HSF2BP: variants seen among roughly 807,000 people sequenced by gnomAD.
The protein encoded by HSF2BP is heat shock factor 2-binding protein.
In HSF2BP, 35 loss-of-function variants were observed where a neutral mutation model predicts 35.0. The observed-to-expected ratio is 1.00, with a 90% CI of 0.76 to 1.32. The LOEUF is 1.32. HSF2BP is among the 40% of genes most tolerant of loss of function. HSF2BP has a pLI of 0.00. For missense variants in HSF2BP, 326 were observed against 321.7 expected, an observed-to-expected ratio of 1.01 and a Z score of -0.10; for synonymous variants, 114 against 117.4, an observed-to-expected ratio of 0.97 and a Z score of 0.18.
intron 5 of HSF2BP, among the ~76,000 whole-genome samples, chr21:43,632,384 CCCACACACACACACTCCCCCA>C (rs1206188500): frequency 7.8e-6 from 1 of 127,878 alleles, no homozygotes; most frequent in Non-Finnish European, 1.7e-5. Flanking sequence ...ACGCTCCCCC[CCCACACACACACACTCCCCCA>C]CACACACATG....
In HSF2BP at chr21:43,630,409, T is replaced by C. The variant is rs1163045981; in HGVS notation, c.487A>G (p.Ser163Gly). 1.9e-6 allele frequency: 3 copies of C among 1,613,380 alleles called. No homozygotes were observed. Among genetic ancestry groups the C allele is most frequent in the Non-Finnish European group, 1.7e-6 (2 of 1,179,796 alleles). ...TCACCGTCTAACGACTTCACAAAAC[T>C]CTCCATTGTTTGACCAGTGATGCTG... Reference protein sequence around the residue: ...FFSITGQTMESFVKSLDGDVQ... With the variant: ...FFSITGQTMEGFVKSLDGDVQ... The change falls in exon 6 of 9, where the codon AGT (serine) becomes GGT (glycine). Residue 163 changes from serine (S) to glycine (G), a missense_variant. Physicochemically the swap from Ser to Gly is moderately conservative, Grantham distance 56 (BLOSUM62 0). Transcript: ENST00000291560.
intron 6 of HSF2BP, among the ~76,000 whole-genome samples, chr21:43,622,881 C>T (rs756893690): frequency 4.6e-5 from 7 of 152,174 alleles, no homozygotes; most frequent in Non-Finnish European, 7.3e-5. Context: ...TTCTTTTCAT[C>T]AGCATATGGA....
chr21:43,610,262 GACAA>G (rs2082186741), intron 7 of HSF2BP, among the ~76,000 whole-genome samples: 1 of 151,994 alleles, frequency 6.6e-6, no homozygotes, highest in South Asian at 2.1e-4. Flanking sequence ...GGGAGAGAAG[GACAA>G]AGACAGACAG....
At chr21:43,593,522 T>G (rs1238841607) in intron 7 of HSF2BP, among the ~76,000 whole-genome samples, 2 of 152,160 alleles carry the variant, frequency 1.3e-5, no homozygotes, top group African/African-American at 4.8e-5. Flanking sequence ...CCAAAAATTT[T>G]TCAGATACTA....
chr21:43,653,717 A>G (rs1162545372), intron 3 of HSF2BP, among the ~76,000 whole-genome samples: 1 of 152,206 alleles, frequency 6.6e-6, no homozygotes, highest in Non-Finnish European at 1.5e-5. Flanking sequence ...GAACTGCCAC[A>G]AACTACTCAG....
intron 6 of HSF2BP, among the ~76,000 whole-genome samples, chr21:43,615,091 C>T (rs147754982): frequency 8.4e-4 from 128 of 152,242 alleles, no homozygotes; most frequent in Non-Finnish European, 1.2e-3. Flanking sequence ...CTCGAAGTAT[C>T]CAATGATCCA....
At chr21:43,630,236 G>A in intron 6 of HSF2BP, 86 bp downstream of exon 6, 1 of 1,225,450 alleles carries the variant, frequency 8.2e-7, no homozygotes. Context: ...AAACATTCAT[G>A]TGACTCATGT....
chr21:43,630,173 C>A, intron 6 of HSF2BP, 149 bp downstream of exon 6: 1 of 551,046 alleles, frequency 1.8e-6, no homozygotes, highest in South Asian at 3.4e-5. Flanking sequence ...ATTGTACATA[C>A]AACAGACTAC....
chr21:43,658,801 G>T (rs1480416804), intron 1 of HSF2BP, among the ~76,000 whole-genome samples: 18 of 152,238 alleles, frequency 1.2e-4, no homozygotes, highest in Admixed American at 1.1e-3. Flanking sequence ...GGGCTCCGGG[G>T]TAGGGGCGCA....
At chr21:43,658,800 G>C (rs925731386) in intron 1 of HSF2BP, among the ~76,000 whole-genome samples, 1 of 152,238 alleles carries the variant, frequency 6.6e-6, no homozygotes, top group East Asian at 1.9e-4. Context: ...AGGGCTCCGG[G>C]GTAGGGGCGC....
chr21:43,582,446 T>C (rs1483444333), intron 8 of HSF2BP, among the ~76,000 whole-genome samples: 1 of 142,640 alleles, frequency 7.0e-6, no homozygotes, highest in African/African-American at 2.7e-5. Context: ...GAGTACCTGT[T>C]GAGGGAGATG....
chr21:43,624,100 CAG>C (rs747039869), intron 6 of HSF2BP, among the ~76,000 whole-genome samples: 9 of 152,184 alleles, frequency 5.9e-5, no homozygotes, highest in Non-Finnish European at 1.2e-4. Context: ...AAAAGCTAAA[CAG>C]AGTTACTACA....
chr21:43,619,723 GAACCACTGT>G (rs2049998316), intron 6 of HSF2BP, among the ~76,000 whole-genome samples: 1 of 152,226 alleles, frequency 6.6e-6, no homozygotes, highest in South Asian at 2.1e-4. Context: ...CAACCCATGG[GAACCACTGT>G]AAGTACCTGA....
intron 4 of HSF2BP, among the ~76,000 whole-genome samples, chr21:43,643,013 G>A (rs1410964644): frequency 6.6e-6 from 1 of 151,758 alleles, no homozygotes; most frequent in Non-Finnish European, 1.5e-5. Flanking sequence ...TACCTGGCCT[G>A]TTAGTACTAT....
chr21:43,615,108 T>C (rs141090340), intron 6 of HSF2BP, among the ~76,000 whole-genome samples: 2 of 152,270 alleles, frequency 1.3e-5, no homozygotes, highest in Non-Finnish European at 2.9e-5. Flanking sequence ...TCCAAGTGCA[T>C]TTATGTATGT....
intron 4 of HSF2BP, among the ~76,000 whole-genome samples, chr21:43,636,370 A>C (rs142993302): frequency 1.3e-5 from 2 of 152,276 alleles, no homozygotes; most frequent in Non-Finnish European, 2.9e-5. Flanking sequence ...TAGATATCAC[A>C]AAATCATGAC....
At chr21:43,639,774 T>C (rs569754810) in intron 4 of HSF2BP, among the ~76,000 whole-genome samples, 1 of 152,228 alleles carries the variant, frequency 6.6e-6, no homozygotes, top group South Asian at 2.1e-4. Flanking sequence ...CCAGTAATTG[T>C]ACTCTCGGGC....
chr21:43,657,784 C>T, intron 2 of HSF2BP: 4 of 932,488 alleles, frequency 4.3e-6, no homozygotes, highest in Non-Finnish European at 5.1e-6. Context: ...AGTGACCATC[C>T]ATCCCACGCT....
At chr21:43,598,144 G>C (rs1298248057) in intron 7 of HSF2BP, among the ~76,000 whole-genome samples, 3 of 151,932 alleles carry the variant, frequency 2.0e-5, no homozygotes, top group Non-Finnish European at 4.4e-5. Flanking sequence ...TAAAAGCTAA[G>C]GTCTTCCTTC....
Sources: allele counts gnomAD v4.1 joint callset (sites outside exome capture counted in the v4.1 genomes callset), GRCh38; gene constraint gnomAD v4.1.1; transcripts MANE v1.5; gene names NCBI Gene and HGNC (gene_info 2026-07-23, HGNC 2026-07-21).